Variants in TRANK1 observed in about 807,000 individuals in gnomAD.
TRANK1 encodes the protein tetratricopeptide repeat and ankyrin repeat containing 1.
A neutral mutation model predicts 266.0 loss-of-function variants in TRANK1; 198 were observed. The observed-to-expected ratio is 0.74, with a 90% CI of 0.66 to 0.84. The LOEUF is 0.84. TRANK1 is among the 40% of genes least tolerant of loss of function. The pLI, the probability that TRANK1 is intolerant of heterozygous loss-of-function variation, is 0.00. For missense variants in TRANK1, 3,326 were observed against 3,634.6 expected (o/e 0.92, Z 2.18); for synonymous variants, 1,396 against 1,384.1 (o/e 1.01, Z -0.19).
In TRANK1 at chr3:36,846,203, A is replaced by C. The variant is rs758807306; in HGVS notation, c.5191+45T>G. 1.7e-5 allele frequency: 26 copies of C among 1,513,212 alleles called. No homozygotes were observed. In the Admixed American group the frequency reaches 3.9e-4, roughly 23 times the overall value. The allele number at this position is 1,513,212 out of a possible 1,614,324, so 93.7% of individuals were successfully genotyped here. A position where few individuals can be genotyped will look rare whatever the true frequency, so the allele number is the denominator to read the frequency against. On this transcript the variant is annotated intron_variant, in intron 17 of 23. Transcript: ENST00000645898. Reference sequence around the variant, plus strand: ...CCTGACCATAAGAACAGTTGAGAGAAACACGATTCCTCCATCAGTTAAGAG... The same window carrying C: ...CCTGACCATAAGAACAGTTGAGAGACACACGATTCCTCCATCAGTTAAGAG...
At chr3:36,934,448 C>A (rs746321226) in intron 1 of TRANK1, among the ~76,000 whole-genome samples, 2 of 152,118 alleles carry the variant, frequency 1.3e-5, no homozygotes, top group Non-Finnish European at 2.9e-5. Context: ...CTGTCTAAAT[C>A]GTTTGAGTTG....
chr3:36,828,316 T>C lies in TRANK1; in HGVS notation c.8869A>G (p.Arg2957Gly), dbSNP rs1250986785. 6.2e-7 allele frequency: 1 copy of C among 1,611,998 alleles called. No individual in the cohort carries two copies. The highest frequency in any genetic ancestry group is 1.3e-5 in the African/African-American group (1 of 74,692). ...EVEDFGELRP[R>G]RRSRKCGKQR... ...TTTCCACATTTCCGAGAACGCCTTC[T>C]AGGCCGAAGCTCACCAAAGTCTTCA... Residue 2957 changes from arginine (R) to glycine (G), a missense_variant, in exon 24 of 24, where the codon AGA becomes GGA. Physicochemically the swap from Arg to Gly is moderately radical, Grantham distance 125. Transcript: ENST00000645898.
At chr3:36,890,875 T>C (rs979342585) in intron 7 of TRANK1, among the ~76,000 whole-genome samples, 4 of 152,122 alleles carry the variant, frequency 2.6e-5, no homozygotes, top group Non-Finnish European at 5.9e-5. Context: ...CCACCTATAA[T>C]CACAGGAACT....
intron 17 of TRANK1, among the ~76,000 whole-genome samples, chr3:36,844,336 C>T (rs891688359): frequency 6.6e-6 from 1 of 152,184 alleles, no homozygotes; most frequent in Non-Finnish European, 1.5e-5. Context: ...AAGCAATTCT[C>T]CTGCCTCAGT....
chr3:36,938,243 G>A (rs1006919583), intron 1 of TRANK1, among the ~76,000 whole-genome samples: 13 of 151,958 alleles, frequency 8.6e-5, no homozygotes, highest in African/African-American at 3.1e-4. Flanking sequence ...TTTTGAGAGG[G>A]AGTCTCTCTC....
intron 1 of TRANK1, among the ~76,000 whole-genome samples, chr3:36,936,853 G>A (rs1388669322): frequency 1.3e-5 from 2 of 152,212 alleles, no homozygotes; most frequent in Non-Finnish European, 2.9e-5. Flanking sequence ...TGTAATCCCA[G>A]CACTTTGGGA....
chr3:36,893,890 T>TTC, intron 5 of TRANK1, among the ~76,000 whole-genome samples: 1 of 151,726 alleles, frequency 6.6e-6, no homozygotes, highest in East Asian at 1.9e-4. Context: ...ACCCATTCTT[T>TTC]TTTTTTTTTT....
chr3:36,858,208 A>G (rs1326048339), intron 12 of TRANK1, among the ~76,000 whole-genome samples, 159 bp from the exon 13 acceptor site: 1 of 152,214 alleles, frequency 6.6e-6, no homozygotes, highest in South Asian at 2.1e-4. Context: ...TTCTCAACCA[A>G]TGGTGATTTA....
At chr3:36,907,529 A>G (rs1382884511) in intron 2 of TRANK1, among the ~76,000 whole-genome samples, 2 of 145,056 alleles carry the variant, frequency 1.4e-5, no homozygotes, top group African/African-American at 5.2e-5. Context: ...CAGTGGCGTA[A>G]TCTCGGCTCA....
intron 8 of TRANK1, among the ~76,000 whole-genome samples, chr3:36,881,421 C>G (rs1055807441): frequency 6.6e-6 from 1 of 151,972 alleles, no homozygotes; most frequent in African/African-American, 2.4e-5. Flanking sequence ...TGCACTCCAG[C>G]CTGGGTGACA....
chr3:36,896,497 C>T (rs1010649330), intron 4 of TRANK1, among the ~76,000 whole-genome samples: 2 of 152,140 alleles, frequency 1.3e-5, no homozygotes, highest in African/African-American at 2.4e-5. Context: ...AGAAACTGGG[C>T]GACGCCAATT....
intron 8 of TRANK1, among the ~76,000 whole-genome samples, chr3:36,875,787 T>G (rs895022203): frequency 2.0e-5 from 3 of 152,218 alleles, no homozygotes; most frequent in African/African-American, 7.2e-5. Context: ...ATTTTTATGT[T>G]TAACAATTAT....
At chr3:36,864,267 T>C (rs2079182800) in intron 10 of TRANK1, 52 bp downstream of exon 10, 2 of 1,442,174 alleles carry the variant, frequency 1.4e-6, no homozygotes, top group African/African-American at 2.9e-5. Context: ...GAAAAGAATT[T>C]TAATGAACAT....
intron 5 of TRANK1, among the ~76,000 whole-genome samples, chr3:36,895,217 C>T (rs2079771124): frequency 6.6e-6 from 1 of 152,160 alleles, no homozygotes; most frequent in African/African-American, 2.4e-5. Flanking sequence ...GGTTCAGGTC[C>T]TACAACCTCA....
chr3:36,888,787 G>A (rs1351006025), intron 8 of TRANK1, among the ~76,000 whole-genome samples: 3 of 152,186 alleles, frequency 2.0e-5, no homozygotes, highest in Non-Finnish European at 4.4e-5. Flanking sequence ...GCCAGGCATG[G>A]TAGCTCATGC....
In TRANK1 at chr3:36,944,891, G is replaced by C. The variant is rs1296985254; in HGVS notation, c.-82C>G. 7.5e-7 allele frequency: 1 copy of C among 1,337,576 alleles called. No individual in the cohort carries two copies. The highest frequency in any genetic ancestry group is 9.6e-7 in the Non-Finnish European group (1 of 1,039,956). The allele number at this position is 1,337,576 out of a possible 1,614,324, so 82.9% of individuals were successfully genotyped here. ...GTGGGCAGGGCGCGGCGGGCAGTGC[G>C]GAAGCCCGAAAGCTACCGGAGCCCG... On this transcript the variant is annotated 5_prime_UTR_variant, in exon 1 of 24. Coordinates refer to ENST00000645898, the MANE Select transcript of TRANK1 (RefSeq NM_001329998.2).
chr3:36,860,125 C>G (rs1049428873), intron 11 of TRANK1, among the ~76,000 whole-genome samples: 1 of 152,094 alleles, frequency 6.6e-6, no homozygotes, highest in Non-Finnish European at 1.5e-5. Flanking sequence ...TCATACAGCA[C>G]GAAGCAAGCA....
At chr3:36,940,963 C>T (rs1360907952) in intron 1 of TRANK1, among the ~76,000 whole-genome samples, 1 of 152,130 alleles carries the variant, frequency 6.6e-6, no homozygotes, top group Non-Finnish European at 1.5e-5. Flanking sequence ...GTGATTGAGC[C>T]TCCAGGTAGA....
Position 36,833,125 on chromosome 3 carries a change from GT to G in TRANK1, c.6457del (p.Thr2153GlnfsTer6). The G allele has an allele frequency of 6.2e-7, 1 of 1,612,428 alleles. No individual in the cohort carries two copies. The highest frequency in any genetic ancestry group is 8.5e-7 in the Non-Finnish European group (1 of 1,179,092). On this transcript the variant is annotated frameshift_variant, in exon 22 of 24. Coordinates refer to ENST00000645898, the MANE Select transcript of TRANK1 (RefSeq NM_001329998.2). LOFTEE classifies it high-confidence loss of function. Reference sequence around the variant, plus strand: ...AGTCATTATCAAAAAATGATCTTTTGTTTTTTTCTCTCTCAAGTTCAAATCC... The same window carrying G: ...AGTCATTATCAAAAAATGATCTTTTGTTTTTTCTCTCTCAAGTTCAAATCC... ...DLDLNLREKK[T>X]KDHFLIMTDQ...
Sources: allele counts gnomAD v4.1 joint callset (sites outside exome capture counted in the v4.1 genomes callset), GRCh38; gene constraint gnomAD v4.1.1; transcripts MANE v1.5; gene names NCBI Gene and HGNC (gene_info 2026-07-23, HGNC 2026-07-21).